The following SCEL variants were observed in gnomAD, a reference collection of about 807,000 sequenced individuals.
SCEL encodes the protein sciellin.
Under a neutral mutation model 117.6 loss-of-function variants are expected in SCEL, and 113 were observed. The observed-to-expected ratio is 0.96, with a 90% CI of 0.83 to 1.12. The LOEUF (loss-of-function observed/expected upper bound fraction) is 1.12. Ranked by LOEUF, SCEL falls within the 50% of genes most tolerant of loss-of-function variation. SCEL has a pLI of 0.00. For synonymous variants in SCEL, 270 were observed against 256.2 expected (o/e 1.05, Z -0.51); for missense variants, 785 against 810.8 (o/e 0.97, Z 0.39).
chr13:77,554,678 G>T (rs1361267871), intron 1 of SCEL, among the ~76,000 whole-genome samples: 1 of 152,116 alleles, frequency 6.6e-6, no homozygotes, highest in Admixed American at 6.6e-5. Context: ...TTTGATCATC[G>T]CAGCAACTTA....
chr13:77,611,029 T>C (rs142000901), intron 22 of SCEL, among the ~76,000 whole-genome samples: 12 of 152,324 alleles, frequency 7.9e-5, no homozygotes, highest in African/African-American at 2.6e-4. Context: ...TCTCAGCAGA[T>C]TTCCTATCTT....
rs2083397115 is a variant in SCEL, at chr13:77,535,788, G to T, written c.-56G>T. Reference sequence around the variant, plus strand: ...TCCTCCCAGGGAATCACTACAGGCTGGTTAGCCAAAAAGTCCTGATTTTCT... The same window carrying T: ...TCCTCCCAGGGAATCACTACAGGCTTGTTAGCCAAAAAGTCCTGATTTTCT... On this transcript the variant is annotated 5_prime_UTR_variant, in exon 1 of 33. Coordinates refer to ENST00000349847, the MANE Select transcript of SCEL (RefSeq NM_144777.3). The T allele has an allele frequency of 6.6e-6, 1 of 152,138 alleles. No individual in the cohort carries two copies. Among genetic ancestry groups the T allele is most frequent in the Non-Finnish European group, 1.5e-5 (1 of 68,030 alleles). The allele number at this position is 152,138 out of a possible 1,614,324, so 9.4% of individuals were successfully genotyped here. A position where few individuals can be genotyped will look rare whatever the true frequency, so the allele number is the denominator to read the frequency against.
chr13:77,643,964 A>T (rs188811452), intron 32 of SCEL, among the ~76,000 whole-genome samples: 2 of 152,062 alleles, frequency 1.3e-5, no homozygotes, highest in African/African-American at 4.8e-5. Flanking sequence ...TTACCAAAAG[A>T]CTCAGAAGTT....
At chr13:77,575,545 A>ATGAT (rs2085893056) in intron 9 of SCEL, among the ~76,000 whole-genome samples, 1 of 152,208 alleles carries the variant, frequency 6.6e-6, no homozygotes, top group Non-Finnish European at 1.5e-5. Context: ...TTAGTTATGC[A>ATGAT]ATAAGAGAGT....
chr13:77,555,321 T>C (rs1278544024), intron 1 of SCEL, among the ~76,000 whole-genome samples: 2 of 152,184 alleles, frequency 1.3e-5, no homozygotes, highest in Non-Finnish European at 2.9e-5. Flanking sequence ...TCACCAGTGT[T>C]TCTCCAAGTC....
intron 4 of SCEL, among the ~76,000 whole-genome samples, chr13:77,560,358 AC>A (rs1382990589): frequency 2.0e-5 from 3 of 151,872 alleles, no homozygotes; most frequent in Non-Finnish European, 2.9e-5. Flanking sequence ...GAATTGCCTG[AC>A]CTTGGGACAT....
Position 77,604,424 on chromosome 13 carries a change from T to G in SCEL, c.1157+9T>G. On this transcript the variant is annotated intron_variant, in intron 19 of 32. Transcript: ENST00000349847. ...AATAAAAATATTACGAGGTAAGACA[T>G]TTAAAGCTCCCCCCTCCCCTTTGTT... The G allele has an allele frequency of 6.4e-7, 1 of 1,572,694 alleles. No individual in the cohort carries two copies.
chr13:77,607,984 C>T, intron 19 of SCEL, 72 bp from the exon 20 acceptor site: 1 of 1,199,490 alleles, frequency 8.3e-7, no homozygotes, highest in Non-Finnish European at 1.2e-6. Context: ...AATGAAATAG[C>T]TTTATCTTCT....
intron 20 of SCEL, among the ~76,000 whole-genome samples, chr13:77,608,686 G>T (rs931936577): frequency 1.4e-4 from 21 of 151,992 alleles, no homozygotes; most frequent in African/African-American, 5.1e-4. Flanking sequence ...TTTTAAAAAA[G>T]GATATTACAA....
chr13:77,592,326 T>C (rs552053678), intron 11 of SCEL, among the ~76,000 whole-genome samples: 25 of 152,266 alleles, frequency 1.6e-4, no homozygotes, highest in Middle Eastern at 3.4e-3. Context: ...CCACAGGATG[T>C]CAATGCATGT....
At chr13:77,571,414 C>A (rs1453716506) in intron 8 of SCEL, among the ~76,000 whole-genome samples, 1 of 149,118 alleles carries the variant, frequency 6.7e-6, no homozygotes, top group Admixed American at 6.7e-5. Context: ...TGAAGCTGGG[C>A]GCAGTGGCTC....
intron 3 of SCEL, among the ~76,000 whole-genome samples, chr13:77,558,916 A>G (rs2084818964): frequency 6.6e-6 from 1 of 151,900 alleles, no homozygotes; most frequent in African/African-American, 2.4e-5. Flanking sequence ...TTGGGTTGAC[A>G]TGAAATAGGT....
chr13:77,592,828 G>A (rs896087428), intron 11 of SCEL, among the ~76,000 whole-genome samples: 8 of 151,942 alleles, frequency 5.3e-5, no homozygotes, highest in Non-Finnish European at 1.2e-4. Flanking sequence ...GCCTCCCAAA[G>A]TTCTGGGATT....
intron 19 of SCEL, 105 bp downstream of exon 19, chr13:77,604,520 C>A (rs2087974730): frequency 2.5e-6 from 2 of 813,774 alleles, no homozygotes; most frequent in Admixed American, 2.9e-5. Context: ...CAGGCCAAAA[C>A]AAACTGAGCT....
intron 1 of SCEL, among the ~76,000 whole-genome samples, chr13:77,543,169 C>A (rs1432886522): frequency 1.3e-5 from 2 of 150,188 alleles, no homozygotes; most frequent in South Asian, 4.2e-4. Context: ...CTGCAAGCTC[C>A]GCCTCCCGGG....
At chr13:77,554,660 A>G (rs184960293) in intron 1 of SCEL, among the ~76,000 whole-genome samples, 1 of 152,332 alleles carries the variant, frequency 6.6e-6, no homozygotes, top group East Asian at 1.9e-4. Context: ...TTTTATGTAC[A>G]TTATTCATTT....
intron 1 of SCEL, among the ~76,000 whole-genome samples, chr13:77,539,568 C>T (rs2083588082): frequency 1.3e-5 from 2 of 150,954 alleles, no homozygotes; most frequent in East Asian, 3.9e-4. Flanking sequence ...GACAGAGTCT[C>T]GCTCTTTCAC....
In SCEL at chr13:77,613,919, T is replaced by C. The variant is rs746194567; in HGVS notation, c.1415T>C (p.Ile472Thr). The C allele has an allele frequency of 2.5e-6, 4 of 1,613,582 alleles. No individual in the cohort carries two copies. The highest frequency in any genetic ancestry group is 1.6e-4 in the Middle Eastern group (1 of 6,062). ...AGTGAACAAGGTCTTGATGAACATA[T>C]TAATGTCAGCCCCAAAGCTGTCAAA... ...KSSEQGLDEHINVSPKAVKNT... is the reference protein window; with the variant it reads ...KSSEQGLDEHTNVSPKAVKNT... The change falls in exon 24 of 33, where the codon ATT (isoleucine) becomes ACT (threonine). Residue 472 changes from isoleucine to threonine, a missense_variant. Physicochemically the swap from Ile to Thr is moderately conservative, Grantham distance 89 (BLOSUM62 -1). Transcript: ENST00000349847.
At chr13:77,574,832 C>T (rs1416458159) in intron 9 of SCEL, among the ~76,000 whole-genome samples, 1 of 152,164 alleles carries the variant, frequency 6.6e-6, no homozygotes, top group Admixed American at 6.5e-5. Context: ...TTCCCTTTAT[C>T]TTTCACTAAT....
Sources: gnomAD v4.1 joint callset for allele counts (sites outside exome capture counted in the v4.1 genomes callset) on GRCh38, gnomAD v4.1.1 for gene constraint, MANE v1.5 for transcripts, NCBI Gene and HGNC (gene_info 2026-07-23, HGNC 2026-07-21) for gene names.